The following RBFOX1 variants were observed in gnomAD, a reference collection of about 807,000 sequenced individuals.
RBFOX1 encodes the protein RNA binding fox-1 homolog 1.
RBFOX1 carries 8 observed loss-of-function variants against 57.7 expected under a neutral mutation model. The observed-to-expected ratio is 0.14, with a 90% CI of 0.08 to 0.25. RBFOX1 has a LOEUF of 0.25. Among genes scored for constraint, RBFOX1 ranks in the 10% least tolerant of loss-of-function variants. The pLI is 1.00. For synonymous variants in RBFOX1, 326 were observed against 222.4 expected (o/e 1.47, Z -4.15); for missense variants, 611 against 548.5 (o/e 1.11, Z -1.14).
At chr16:6,442,089 C>G (rs1364252612) in intron 2 of RBFOX1, among the ~76,000 whole-genome samples, 1 of 152,180 alleles carries the variant, frequency 6.6e-6, no homozygotes, top group African/African-American at 2.4e-5. Flanking sequence ...ACAACCTTCC[C>G]TCACAGGCTG....
chr16:7,048,174 C>G (rs1030250543), intron 3 of RBFOX1, among the ~76,000 whole-genome samples: 1 of 152,002 alleles, frequency 6.6e-6, no homozygotes, highest in Admixed American at 6.6e-5. Flanking sequence ...CCACCGTGCC[C>G]AGCCCAATAT....
chr16:6,400,409 A>T (rs2152952224), intron 2 of RBFOX1, among the ~76,000 whole-genome samples: 1 of 152,334 alleles, frequency 6.6e-6, no homozygotes, highest in East Asian at 1.9e-4. Flanking sequence ...CTGAATGATG[A>T]TATCTCAAGG....
intron 3 of RBFOX1, among the ~76,000 whole-genome samples, chr16:6,723,198 T>C (rs1338293309): frequency 1.3e-5 from 2 of 152,186 alleles, no homozygotes; most frequent in Non-Finnish European, 1.5e-5. Context: ...GATAAAAGTG[T>C]GGGCATTGGG....
chr16:6,807,538 C>T (rs991946295), intron 3 of RBFOX1, among the ~76,000 whole-genome samples: 11 of 151,992 alleles, frequency 7.2e-5, no homozygotes, highest in African/African-American at 2.2e-4. Flanking sequence ...CATACTATGG[C>T]GGAGTGTGGT....
At chr16:6,696,980 C>T (rs1048682864) in intron 3 of RBFOX1, among the ~76,000 whole-genome samples, 1 of 152,140 alleles carries the variant, frequency 6.6e-6, no homozygotes, top group Non-Finnish European at 1.5e-5. Context: ...AATTCTGTAC[C>T]AAATCAAAAG....
chr16:6,982,940 G>C (rs988687612), intron 3 of RBFOX1, among the ~76,000 whole-genome samples: 1 of 129,110 alleles, frequency 7.7e-6, no homozygotes, highest in Non-Finnish European at 1.6e-5. Flanking sequence ...GTTGCAGTGA[G>C]ATAACATCAT....
chr16:5,352,162 A>G (rs931561236), intron 1 of RBFOX1, among the ~76,000 whole-genome samples: 9 of 151,958 alleles, frequency 5.9e-5, no homozygotes, highest in African/African-American at 1.9e-4. Flanking sequence ...ATCTTTTTCA[A>G]TTTATTTATT....
intron 1 of RBFOX1, among the ~76,000 whole-genome samples, chr16:5,450,525 C>G (rs776227142): frequency 7.2e-5 from 11 of 152,132 alleles, no homozygotes; most frequent in Non-Finnish European, 1.3e-4. Flanking sequence ...CATCAAAAGG[C>G]GTTGGCGCTG....
chr16:5,423,967 C>A (rs1049090350), intron 1 of RBFOX1, among the ~76,000 whole-genome samples: 1 of 152,126 alleles, frequency 6.6e-6, no homozygotes, highest in Non-Finnish European at 1.5e-5. Context: ...ACCCGAAGCT[C>A]GGGGCTTTGC....
intron 1 of RBFOX1, among the ~76,000 whole-genome samples, chr16:6,152,730 A>C (rs1243243689): frequency 6.6e-6 from 1 of 152,216 alleles, no homozygotes; most frequent in Non-Finnish European, 1.5e-5. Context: ...ACGTGGGCCC[A>C]CAGACCCATA....
At chr16:5,821,640 C>T (rs2151805128) in intron 3 of RBFOX1, among the ~76,000 whole-genome samples, 1 of 152,238 alleles carries the variant, frequency 6.6e-6, no homozygotes, top group Admixed American at 6.5e-5. Context: ...ATTTTTGTCT[C>T]AGTCTGTTCC....
At chr16:7,055,894 G>A (rs1478717) in intron 4 of RBFOX1, among the ~76,000 whole-genome samples, 78,204 of 151,882 alleles carry the variant, frequency 0.51, 23,082 homozygotes, top group South Asian at 0.77. Context: ...TCCTACATGT[G>A]TGGGCTCAGC....
intron 2 of RBFOX1, among the ~76,000 whole-genome samples, chr16:6,455,042 C>G (rs2094732814): frequency 8.8e-6 from 1 of 113,008 alleles, no homozygotes; most frequent in African/African-American, 3.4e-5. Context: ...ACTACCATGC[C>G]TGGCTAATTT....
chr16:6,052,950 C>T (rs1025525127), intron 1 of RBFOX1, among the ~76,000 whole-genome samples: 1 of 152,020 alleles, frequency 6.6e-6, no homozygotes, highest in Non-Finnish European at 1.5e-5. Context: ...AGTTCATCAT[C>T]TTACTGTTGT....
At chr16:6,666,048 C>T (rs2098730628) in intron 3 of RBFOX1, among the ~76,000 whole-genome samples, 3 of 152,122 alleles carry the variant, frequency 2.0e-5, no homozygotes, top group African/African-American at 7.2e-5. Context: ...TAAGAGGAAA[C>T]CCCTTTCGCT....
intron 3 of RBFOX1, among the ~76,000 whole-genome samples, chr16:6,764,125 G>A (rs146850976): frequency 5.9e-5 from 9 of 152,276 alleles, no homozygotes; most frequent in Admixed American, 4.6e-4. Flanking sequence ...CAGTCTTTGC[G>A]TATGGAGAGG....
intron 3 of RBFOX1, among the ~76,000 whole-genome samples, chr16:5,760,004 G>C (rs1233754882): frequency 2.2e-5 from 3 of 137,652 alleles, no homozygotes; most frequent in Non-Finnish European, 4.8e-5. Context: ...ATCCCCACTG[G>C]GTTAAAAAAA....
At chr16:6,302,941 ATAT>A (rs1440657782) in intron 1 of RBFOX1, among the ~76,000 whole-genome samples, 1 of 152,212 alleles carries the variant, frequency 6.6e-6, no homozygotes, top group African/African-American at 2.4e-5. Context: ...TGAAAAAATG[ATAT>A]TATCAGTGAA....
At chr16:5,377,298 G>A (rs1227516407) in intron 1 of RBFOX1, among the ~76,000 whole-genome samples, 1 of 151,468 alleles carries the variant, frequency 6.6e-6, no homozygotes, top group African/African-American at 2.5e-5. Context: ...GATGCGGAGG[G>A]GTAGAGGGAG....
Sources: gnomAD v4.1 joint callset for allele counts (sites outside exome capture counted in the v4.1 genomes callset) on GRCh38, gnomAD v4.1.1 for gene constraint, MANE v1.5 for transcripts, NCBI Gene and HGNC (gene_info 2026-07-23, HGNC 2026-07-21) for gene names.